The following POLR1F variants were observed in gnomAD, a reference collection of about 807,000 sequenced individuals.
POLR1F encodes the protein RNA polymerase I subunit F.
In POLR1F, 23 loss-of-function variants were observed where a neutral mutation model predicts 21.8. That is an observed-to-expected ratio of 1.05 (90% CI 0.76 to 1.49). POLR1F has a LOEUF of 1.49. POLR1F is among the 40% of genes most tolerant of loss of function. The pLI is 0.00. For synonymous variants in POLR1F, 162 were observed against 152.8 expected, an observed-to-expected ratio of 1.06 and a Z score of -0.45; for missense variants, 435 against 412.1, an observed-to-expected ratio of 1.06 and a Z score of -0.48.
rs527559556 is a variant in POLR1F, at chr7:19,698,466, G to A, written c.867C>T (p.Asp289=). 11 of 1,612,408 alleles carry A rather than the reference G, an allele frequency of 6.8e-6. No homozygotes were observed. In the East Asian group the frequency reaches 2.0e-4, roughly 29 times the overall value. ...KKKKKHQEVQ[D]QDPVFQGSDS... is the part of the protein sequence containing the mutation. The stretch of plus-strand genomic sequence containing the variant: ...CACTGCCTTGGAAAACAGGGTCCTG[G>A]TCCTGAACTTCCTGGTGCTTTTTCT... Residue 289 remains aspartate (D), a synonymous_variant, in exon 4 of 4, where the codon GAC becomes GAT. Transcript: ENST00000222567.
chr7:19,701,820 C>T (rs992027694), intron 2 of POLR1F, among the ~76,000 whole-genome samples: 1 of 151,914 alleles, frequency 6.6e-6, no homozygotes, highest in African/African-American at 2.4e-5. Flanking sequence ...GTTAATTATC[C>T]AAAAGTGTGT....
Position 19,708,809 on chromosome 7 carries a change from C to G in POLR1F, c.208G>C (p.Gly70Arg). ...SPRYLNRKRT[G>R]IREQLDAELL... ...TCCGCATCAAGCTGTTCTCGAATGC[C>G]GGTGCGTTTCCTGTTAAGGTAGCGG... The change falls in exon 1 of 4, where the codon GGC (glycine) becomes CGC (arginine). Residue 70 changes from glycine to arginine, a missense_variant. Coordinates refer to ENST00000222567, the MANE Select transcript of POLR1F (RefSeq NM_001002926.2). 1 of 1,614,110 alleles carries G rather than the reference C, an allele frequency of 6.2e-7. No homozygotes were observed. Among genetic ancestry groups the G allele is most frequent in the Non-Finnish European group, 8.5e-7 (1 of 1,179,934 alleles).
intron 2 of POLR1F, among the ~76,000 whole-genome samples, chr7:19,702,456 A>C (rs1055745699): frequency 3.3e-5 from 5 of 152,186 alleles, no homozygotes; most frequent in Non-Finnish European, 7.3e-5. Flanking sequence ...GAAAAGCTAA[A>C]ACTAAAAGCT....
Position 19,697,272 on chromosome 7 carries a change from T to A in POLR1F, c.*1044A>T, listed in dbSNP as rs970957050. On this transcript the variant is annotated 3_prime_UTR_variant, in exon 4 of 4. Transcript: ENST00000222567. ...ATGCACATCTGTTTCTCTTATGACA[T>A]GCCACAAGGGAAGGAACTACATCTA... 1.3e-5 allele frequency: 2 copies of A among 152,128 alleles called. No individual in the cohort carries two copies. The highest frequency in any genetic ancestry group is 4.8e-5 in the African/African-American group (2 of 41,450). 9.4% of individuals were successfully genotyped at this position (152,128 alleles called of 1,614,324 possible). A position where few individuals can be genotyped will look rare whatever the true frequency, so the allele number is the denominator to read the frequency against.
chr7:19,705,904 C>A (rs1371453868), intron 1 of POLR1F, among the ~76,000 whole-genome samples: 1 of 152,078 alleles, frequency 6.6e-6, no homozygotes, highest in Non-Finnish European at 1.5e-5. Flanking sequence ...CATTACCACA[C>A]CCACTACTTG....
chr7:19,706,982 G>C (rs937584641), intron 1 of POLR1F, among the ~76,000 whole-genome samples: 43 of 152,330 alleles, frequency 2.8e-4, no homozygotes, highest in African/African-American at 9.9e-4. Flanking sequence ...GTCCAGATCT[G>C]TTCAGAGCCA....
intron 1 of POLR1F, among the ~76,000 whole-genome samples, chr7:19,708,247 T>C (rs1333547474): frequency 6.6e-6 from 1 of 151,962 alleles, no homozygotes; most frequent in African/African-American, 2.4e-5. Flanking sequence ...GAAGAGAAAA[T>C]GGGGAAATTA....
Position 19,698,502 on chromosome 7 carries a change from T to C in POLR1F, c.831A>G (p.Lys277=). Residue 277 remains lysine (K), a synonymous_variant, in exon 4 of 4, where the codon AAA becomes AAG. Coordinates refer to ENST00000222567, the MANE Select transcript of POLR1F (RefSeq NM_001002926.2). ...CCTGGTGCTTTTTCTTCTTCTTCTT[T>C]TTCTTTGGCTCCTCCTCCCAGATGC... ...ANGIWEEEPK[K]KKKKKKHQEV... 1.2e-6 allele frequency: 2 copies of C among 1,607,444 alleles called. No individual in the cohort carries two copies. Among genetic ancestry groups the C allele is most frequent in the South Asian group, 2.2e-5 (2 of 89,330 alleles).
rs751833972 is a variant in POLR1F at position 19,700,111 on chromosome 7, G to A, written c.566C>T (p.Ala189Val). Residue 189 changes from alanine (A) to valine (V), a missense_variant, in exon 3 of 4, where the codon GCT becomes GTT. Ala to Val is a moderately conservative substitution (Grantham distance 64, BLOSUM62 0). Coordinates refer to ENST00000222567, the MANE Select transcript of POLR1F (RefSeq NM_001002926.2). ...FEVFRLDSDA[A>V]GVFCIRGKLN... is the part of the protein sequence containing the mutation. ...TTTTCCCCGAATGCAGAATACTCCA[G>A]CAGCATCTGAGTCTAAACGAAATAC... 2 of 1,613,844 alleles carry A rather than the reference G, an allele frequency of 1.2e-6. No individual in the cohort carries two copies. The highest frequency in any genetic ancestry group is 1.7e-6 in the Non-Finnish European group (2 of 1,179,796).
In POLR1F at chr7:19,698,004, A is replaced by G. The variant is rs566649273; in HGVS notation, c.*312T>C. Reference sequence around the variant, plus strand: ...CTTTAGTAATATAATATTGTATTATAAAGTCCTTTGGCTAGTCTTGACATT... The same window carrying G: ...CTTTAGTAATATAATATTGTATTATGAAGTCCTTTGGCTAGTCTTGACATT... On this transcript the variant is annotated 3_prime_UTR_variant, in exon 4 of 4. Coordinates refer to ENST00000222567, the MANE Select transcript of POLR1F (RefSeq NM_001002926.2). The G allele has an allele frequency of 4.9e-6, 1 of 204,536 alleles. No homozygotes were observed. The highest frequency in any genetic ancestry group is 1.8e-4 in the South Asian group (1 of 5,500). The allele number at this position is 204,536 out of a possible 1,614,324, so 12.7% of individuals were successfully genotyped here.
At position 19,698,284 on chromosome 7, in the gene POLR1F, T is replaced by C. The variant is rs1202417763; in HGVS notation, c.*32A>G. On this transcript the variant is annotated 3_prime_UTR_variant, in exon 4 of 4. Transcript: ENST00000222567. ...TATTCATCTATTGTATGTAGATCGA[T>C]CTTTTAAAAACTGAATCGTGTTTAA... The C allele has an allele frequency of 6.6e-7, 1 of 1,522,188 alleles. No homozygotes were observed. The highest frequency in any genetic ancestry group is 2.3e-5 in the East Asian group (1 of 44,314). The allele number at this position is 1,522,188 out of a possible 1,614,324, so 94.3% of individuals were successfully genotyped here.
At chr7:19,699,891 G>T (rs1430431022) in intron 3 of POLR1F, among the ~76,000 whole-genome samples, 181 bp downstream of exon 3, 2 of 152,084 alleles carry the variant, frequency 1.3e-5, no homozygotes, top group Non-Finnish European at 2.9e-5. Flanking sequence ...TTGATGCACT[G>T]TTACAGATTA....
At position 19,703,579 on chromosome 7, in the gene POLR1F, A is replaced by C. The variant is rs6979901; in HGVS notation, c.396+1200T>G. On this transcript the variant is annotated intron_variant, in intron 2 of 3. Transcript: ENST00000222567. ...ATCTGTTATTTCCATGTACATGTAT[A>C]TATGTTATTTCCGTGTATGTGTGTG... Among the ~76,000 whole-genome samples the C allele has an allele frequency of 7.9e-3, 1,196 of 152,100 alleles. 9 individuals carry two copies. The highest frequency in any genetic ancestry group is 0.026 in the African/African-American group (1,088 of 41,476).
At position 19,708,749 on chromosome 7, in the gene POLR1F, A is replaced by C; in HGVS notation, c.254+14T>G. On this transcript the variant is annotated intron_variant, in intron 1 of 3. Transcript: ENST00000222567. ...CCCGTGCACAAAAGAAGGAACAGGCAAAGAGATCGGTACCTCTCAGAATAG... is the reference window on the plus strand; with the variant it reads ...CCCGTGCACAAAAGAAGGAACAGGCCAAGAGATCGGTACCTCTCAGAATAG... The C allele has an allele frequency of 6.3e-7, 1 of 1,595,178 alleles. No individual in the cohort carries two copies. Among genetic ancestry groups the C allele is most frequent in the Non-Finnish European group, 8.6e-7 (1 of 1,164,398 alleles).
rs1783579520 is a variant in POLR1F, at chr7:19,708,981, C to CA, written c.35_36insT (p.Ala13GlyfsTer4). ...CTACCAGAGACCCATCAGAAGCCGC[C>CA]GCTGGCCGCGGCGCCTCTGAGCAAC... On this transcript the variant is annotated frameshift_variant, in exon 1 of 4. Transcript: ENST00000222567. LOFTEE classifies it high-confidence loss of function. 1 of 1,596,378 alleles carries CA rather than the reference C, an allele frequency of 6.3e-7. No individual in the cohort carries two copies. Among genetic ancestry groups the CA allele is most frequent in the Non-Finnish European group, 8.6e-7 (1 of 1,169,566 alleles).
chr7:19,707,492 C>A (rs886619424), intron 1 of POLR1F, among the ~76,000 whole-genome samples: 1 of 152,192 alleles, frequency 6.6e-6, no homozygotes, highest in Non-Finnish European at 1.5e-5. Flanking sequence ...ATGCCTTTCC[C>A]CTGACATAAA....
Position 19,703,763 on chromosome 7 carries a change from T to G in POLR1F, c.396+1016A>C, listed in dbSNP as rs1227437337. On this transcript the variant is annotated intron_variant, in intron 2 of 3. Coordinates refer to ENST00000222567, the MANE Select transcript of POLR1F (RefSeq NM_001002926.2). ...ATGCATGCCACCATGACTGGCTAAT[T>G]TTTTATTTTGTGTAGAGATGAGGTC... is the stretch of plus-strand genomic sequence containing the variant. Among the ~76,000 whole-genome samples the G allele has an allele frequency of 2.0e-5, 3 of 152,084 alleles. No homozygotes were observed. In the East Asian group the frequency reaches 5.8e-4, roughly 29 times the overall value.
Position 19,696,514 on chromosome 7 carries a change from A to G in POLR1F, c.*1802T>C, listed in dbSNP as rs1024324090. 3.3e-5 allele frequency: 5 copies of G among 152,088 alleles called. No individual in the cohort carries two copies. The highest frequency in any genetic ancestry group is 1.2e-4 in the African/African-American group (5 of 41,446). 9.4% of individuals were successfully genotyped at this position (152,088 alleles called of 1,614,324 possible). A position where few individuals can be genotyped will look rare whatever the true frequency, so the allele number is the denominator to read the frequency against. On this transcript the variant is annotated 3_prime_UTR_variant, in exon 4 of 4. Transcript: ENST00000222567. Reference sequence around the variant, plus strand: ...GTTTCACTAAAAATTAAATTTCTATATTGTCAAACATGATTGTATACTCAA... The same window carrying G: ...GTTTCACTAAAAATTAAATTTCTATGTTGTCAAACATGATTGTATACTCAA...
intron 1 of POLR1F, among the ~76,000 whole-genome samples, chr7:19,707,307 G>C (rs759808222): frequency 6.6e-6 from 1 of 152,144 alleles, no homozygotes; most frequent in African/African-American, 2.4e-5. Context: ...TAAAGGGACT[G>C]AGAGGACGGA....
Sources: allele counts gnomAD v4.1 joint callset (sites outside exome capture counted in the v4.1 genomes callset), GRCh38; gene constraint gnomAD v4.1.1; transcripts MANE v1.5; gene names NCBI Gene and HGNC (gene_info 2026-07-23, HGNC 2026-07-21).